The following HYDIN variants were observed in gnomAD, a reference collection of about 807,000 sequenced individuals.
HYDIN encodes the protein axonemal central pair apparatus protein HYDIN.
Under a neutral mutation model 403.9 loss-of-function variants are expected in HYDIN, and 132 were observed. The ratio of observed to expected loss-of-function variants is 0.33; its 90% CI spans 0.28 to 0.38. HYDIN has a LOEUF of 0.38. Ranked by LOEUF, HYDIN falls within the 10% of genes least tolerant of loss-of-function variation. The pLI, the probability that HYDIN is intolerant of heterozygous loss-of-function variation, is 1.00. For missense variants in HYDIN, 2,827 were observed against 5,009.5 expected (o/e 0.56, Z 13.15); for synonymous variants, 1,202 against 1,891.7 (o/e 0.64, Z 9.46).
At chr16:70,997,562 CT>C (rs1240637250) in intron 23 of HYDIN, among the ~76,000 whole-genome samples, 1 of 151,946 alleles carries the variant, frequency 6.6e-6, no homozygotes, top group Non-Finnish European at 1.5e-5. Context: ...CCTCTTCCTC[CT>C]GGCAGTGAGC....
intron 68 of HYDIN, among the ~76,000 whole-genome samples, chr16:70,862,859 T>C (rs1165190874): frequency 6.6e-6 from 1 of 152,094 alleles, no homozygotes; most frequent in Non-Finnish European, 1.5e-5. Context: ...TATCTTGAGA[T>C]GGGGCATTGG....
In HYDIN at chr16:70,952,617, C is replaced by T; in HGVS notation, c.6335G>A (p.Gly2112Asp). The T allele has an allele frequency of 6.2e-7, 1 of 1,612,742 alleles. No homozygotes were observed. ...TCGTCCTTGCCCTATGACGTTTTGACCCACAGCTGCCTCCTGGGCTATAAG... is the reference window on the plus strand; with the variant it reads ...TCGTCCTTGCCCTATGACGTTTTGATCCACAGCTGCCTCCTGGGCTATAAG... ...GEEAAQEAAVGQNVIGQGRLS... is the reference protein window; with the variant it reads ...GEEAAQEAAVDQNVIGQGRLS... The change falls in exon 41 of 86, where the codon GGT (glycine) becomes GAT (aspartate). Residue 2112 changes from glycine (G) to aspartate (D), a missense_variant. By Grantham distance (94) the Gly-to-Asp change is moderately conservative. Coordinates refer to ENST00000393567, the MANE Select transcript of HYDIN (RefSeq NM_001270974.2).
At chr16:70,972,604 C>T (rs1254208924) in intron 35 of HYDIN, among the ~76,000 whole-genome samples, 1 of 151,272 alleles carries the variant, frequency 6.6e-6, no homozygotes, top group East Asian at 1.9e-4. Context: ...GATTTACTTA[C>T]ATAGAGCAGC....
At chr16:71,139,095 G>GAAAAAAAA (rs71758936) in intron 7 of HYDIN, among the ~76,000 whole-genome samples, 8 of 103,820 alleles carry the variant, frequency 7.7e-5, no homozygotes, top group South Asian at 3.2e-4. Context: ...AAATAAAGAA[G>GAAAAAAAA]AAAAAAAAAA....
At chr16:71,097,045 T>C (rs8046556) in intron 10 of HYDIN, among the ~76,000 whole-genome samples, 1 of 108,694 alleles carries the variant, frequency 9.2e-6, no homozygotes, top group African/African-American at 5.3e-5. Context: ...GTAGCTAGCA[T>C]CATCCTAGGT....
At chr16:70,838,478 C>G (rs1206664189) in intron 76 of HYDIN, among the ~76,000 whole-genome samples, 1 of 152,084 alleles carries the variant, frequency 6.6e-6, no homozygotes, top group Non-Finnish European at 1.5e-5. Flanking sequence ...GGCCACCGCG[C>G]CCAGCCTGAT....
At position 71,217,007 on chromosome 16, in the gene HYDIN, C is replaced by T. The variant is rs1241106878; in HGVS notation, c.-24+13555G>A. On this transcript the variant is annotated intron_variant, in intron 1 of 85. Coordinates refer to ENST00000393567, the MANE Select transcript of HYDIN (RefSeq NM_001270974.2). The stretch of plus-strand genomic sequence containing the variant: ...ACAAAAGAGTTTTACAGCCAGCAGG[C>T]TCACAGGTTTGGCACAGGAACTGAT... Among the ~76,000 whole-genome samples, 4 of 152,208 alleles carry T rather than the reference C, an allele frequency of 2.6e-5. No homozygotes were observed. In the South Asian group the frequency reaches 8.3e-4, roughly 31 times the overall value.
chr16:71,016,192 G>T (rs962033918), intron 23 of HYDIN, among the ~76,000 whole-genome samples: 2 of 152,172 alleles, frequency 1.3e-5, no homozygotes, highest in African/African-American at 4.8e-5. Context: ...TTCAACCTAT[G>T]GAAAGGGAGA....
intron 13 of HYDIN, among the ~76,000 whole-genome samples, chr16:71,070,269 CTCTCCT>C (rs1320150562): frequency 1.9e-3 from 280 of 144,626 alleles, no homozygotes; most frequent in South Asian, 0.012. Flanking sequence ...CTTTCTTTCT[CTCTCCT>C]TCCTTCCTTC....
chr16:71,032,176 G>A (rs1259599012), intron 18 of HYDIN, among the ~76,000 whole-genome samples: 4 of 152,010 alleles, frequency 2.6e-5, no homozygotes, highest in East Asian at 3.9e-4. Context: ...CAAGATAACC[G>A]TCCAATTCTC....
At chr16:70,852,638 AAAGAGACATG>A (rs1402497624) in intron 73 of HYDIN, 29 of 150,384 alleles carry the variant, frequency 1.9e-4, no homozygotes, top group Admixed American at 8.6e-4. Flanking sequence ...AGGAAACTGG[AAAGAGACATG>A]AAGAGACATT....
At chr16:70,902,951 C>T (rs2076436235) in intron 52 of HYDIN, among the ~76,000 whole-genome samples, 1 of 144,318 alleles carries the variant, frequency 6.9e-6, no homozygotes, top group African/African-American at 2.6e-5. Context: ...CAATATTTTT[C>T]TCTCTATGCT....
chr16:70,819,953 G>A (rs1191830462), intron 83 of HYDIN, among the ~76,000 whole-genome samples: 2 of 145,676 alleles, frequency 1.4e-5, no homozygotes, highest in Admixed American at 6.8e-5. Flanking sequence ...GACTACAGGC[G>A]TCCGCCATCA....
At chr16:70,892,653 C>T (rs77125756) in intron 55 of HYDIN, 124 bp from the exon 56 acceptor site, 11 of 844,570 alleles carry the variant, frequency 1.3e-5, no homozygotes, top group African/African-American at 8.6e-5. Context: ...CTACGTCCGG[C>T]GGAGTCCACT....
At chr16:71,193,685 T>G (rs2087548161) in intron 1 of HYDIN, among the ~76,000 whole-genome samples, 2 of 152,208 alleles carry the variant, frequency 1.3e-5, no homozygotes, top group Admixed American at 1.3e-4. Context: ...CAGAATCTCA[T>G]AATGTATATT....
At position 70,964,722 on chromosome 16, in the gene HYDIN, T is replaced by A; in HGVS notation, c.5788+6A>T. 1 of 1,611,860 alleles carries A rather than the reference T, an allele frequency of 6.2e-7. No individual in the cohort carries two copies. The highest frequency in any genetic ancestry group is 8.5e-7 in the Non-Finnish European group (1 of 1,178,178). ...GCATGAGGTGTTCTCCACATTGAGTTCTCACCATTCTCCTGTGCCAGATTC... is the reference window on the plus strand; with the variant it reads ...GCATGAGGTGTTCTCCACATTGAGTACTCACCATTCTCCTGTGCCAGATTC... On this transcript the variant is annotated splice_donor_region_variant and intron_variant, in intron 37 of 85. Transcript: ENST00000393567.
chr16:70,916,718 C>T (rs1483407319), intron 47 of HYDIN, among the ~76,000 whole-genome samples: 1 of 152,220 alleles, frequency 6.6e-6, no homozygotes, highest in Non-Finnish European at 1.5e-5. Flanking sequence ...CTCCTGCCCC[C>T]TCTCCCAATC....
intron 1 of HYDIN, among the ~76,000 whole-genome samples, chr16:71,211,289 A>G (rs775517496): frequency 6.6e-6 from 1 of 152,204 alleles, no homozygotes; most frequent in African/African-American, 2.4e-5. Flanking sequence ...TCAAGCCATG[A>G]GCTAGGCTTG....
intron 23 of HYDIN, among the ~76,000 whole-genome samples, chr16:71,016,178 A>G (rs1355952903): frequency 6.6e-6 from 1 of 152,250 alleles, no homozygotes; most frequent in African/African-American, 2.4e-5. Flanking sequence ...GAATAGAGTG[A>G]AAATTCAACC....
Sources: gnomAD v4.1 joint callset for allele counts (sites outside exome capture counted in the v4.1 genomes callset) on GRCh38, gnomAD v4.1.1 for gene constraint, MANE v1.5 for transcripts, NCBI Gene and HGNC (gene_info 2026-07-23, HGNC 2026-07-21) for gene names.